The following EYS variants were observed in gnomAD, a reference collection of about 807,000 sequenced individuals.
The protein encoded by EYS is protein eyes shut homolog.
Under a neutral mutation model 282.1 loss-of-function variants are expected in EYS, and 250 were observed. That is an observed-to-expected ratio of 0.89 (90% confidence interval 0.80 to 0.98). The LOEUF (loss-of-function observed/expected upper bound fraction) is 0.98, where lower values mean the gene tolerates loss of function less well. EYS is among the 50% of genes least tolerant of loss of function. The pLI, the probability that EYS is intolerant of heterozygous loss-of-function variation, is 0.00. For missense variants in EYS, 4,016 were observed against 3,709.0 expected (o/e 1.08, Z -2.15); for synonymous variants, 1,355 against 1,282.9 (o/e 1.06, Z -1.20).
chr6:65,397,880 G>T (rs960594784), intron 7 of EYS, among the ~76,000 whole-genome samples: 1 of 151,922 alleles, frequency 6.6e-6, no homozygotes, highest in Non-Finnish European at 1.5e-5. Context: ...TCAACAGTGT[G>T]TAAGCATACC....
At chr6:65,445,421 T>A (rs984198849) in intron 5 of EYS, among the ~76,000 whole-genome samples, 1 of 149,644 alleles carries the variant, frequency 6.7e-6, no homozygotes, top group Non-Finnish European at 1.5e-5. Flanking sequence ...AATAAATATT[T>A]TGAATAAAAT....
intron 12 of EYS, among the ~76,000 whole-genome samples, chr6:65,069,093 C>T (rs1773833149): frequency 1.3e-5 from 2 of 151,844 alleles, no homozygotes; most frequent in Non-Finnish European, 2.9e-5. Context: ...CTTTTTCTTT[C>T]CGAAAATAAA....
At chr6:65,061,368 C>A (rs1323035740) in intron 12 of EYS, among the ~76,000 whole-genome samples, 3 of 151,888 alleles carry the variant, frequency 2.0e-5, no homozygotes, top group Non-Finnish European at 4.4e-5. Context: ...TTCTACATCT[C>A]ATTATTTTAA....
chr6:64,045,464 A>T (rs899664403), intron 33 of EYS, among the ~76,000 whole-genome samples: 2 of 135,214 alleles, frequency 1.5e-5, no homozygotes, highest in Non-Finnish European at 3.3e-5. Flanking sequence ...TTATTTTTTG[A>T]GAGAGAGTTT....
In EYS at chr6:65,404,950, A is replaced by G. The variant is rs147747321; in HGVS notation, c.1056+224T>C. ...AAAAAAGCAATAAGTAGAAATGAAG[A>G]GTGTACAAATTTATATTCTTTTAAA... On this transcript the variant is annotated intron_variant, in intron 6 of 42. Transcript: ENST00000503581. Among the ~76,000 whole-genome samples, 612 of 152,078 alleles carry G rather than the reference A, an allele frequency of 4.0e-3. 5 individuals are homozygous for G. The highest frequency in any genetic ancestry group is 0.014 in the African/African-American group (579 of 41,528).
chr6:65,457,998 C>A (rs1764690804), intron 5 of EYS, among the ~76,000 whole-genome samples: 1 of 152,112 alleles, frequency 6.6e-6, no homozygotes, highest in Non-Finnish European at 1.5e-5. Context: ...AGGGAGCAAT[C>A]CTGCTTCTTA....
At chr6:64,593,742 T>C (rs1361878508) in intron 24 of EYS, among the ~76,000 whole-genome samples, 1 of 152,110 alleles carries the variant, frequency 6.6e-6, no homozygotes, top group Non-Finnish European at 1.5e-5. Context: ...TGAAAACATA[T>C]TCTTGTGATT....
At chr6:65,443,456 A>G (rs950526525) in intron 5 of EYS, among the ~76,000 whole-genome samples, 1 of 146,808 alleles carries the variant, frequency 6.8e-6, no homozygotes, top group Non-Finnish European at 1.5e-5. Context: ...ATATGTACAT[A>G]TACGCCATAC....
chr6:64,778,491 C>T (rs960994205), intron 22 of EYS, among the ~76,000 whole-genome samples: 3 of 152,138 alleles, frequency 2.0e-5, no homozygotes, highest in Non-Finnish European at 4.4e-5. Context: ...ACAGGTCTAC[C>T]CAGCTATAAT....
chr6:63,979,658 CT>C lies in EYS; in HGVS notation c.7055+4724del, dbSNP rs984409050. ...AAGGGGAAAGTGATGTAAATATTAT[CT>C]GTTTAATTTACTAACCTTTCTATGC... On this transcript the variant is annotated intron_variant, in intron 35 of 42. Transcript: ENST00000503581. Among the ~76,000 whole-genome samples, 55 of 151,822 alleles carry C rather than the reference CT, an allele frequency of 3.6e-4. 2 individuals are homozygous for C.
intron 12 of EYS, among the ~76,000 whole-genome samples, chr6:65,289,328 T>C (rs1162789829): frequency 6.6e-6 from 1 of 151,036 alleles, no homozygotes; most frequent in Non-Finnish European, 1.5e-5. Context: ...TTTGTGTGTA[T>C]GTATATACAT....
chr6:64,243,389 G>T (rs1157910626), intron 30 of EYS, among the ~76,000 whole-genome samples: 3 of 152,164 alleles, frequency 2.0e-5, no homozygotes, highest in Non-Finnish European at 4.4e-5. Context: ...TATCAGCATA[G>T]ACAGGAGGAT....
intron 12 of EYS, among the ~76,000 whole-genome samples, chr6:65,168,794 T>A (rs986740263): frequency 6.6e-5 from 10 of 151,424 alleles, no homozygotes; most frequent in Admixed American, 2.0e-4. Flanking sequence ...GCAAACTTTT[T>A]AAAATTTTGT....
At chr6:63,760,176 A>G (rs13216525) in intron 41 of EYS, among the ~76,000 whole-genome samples, 38,422 of 151,996 alleles carry the variant, frequency 0.25, 5,099 homozygotes, top group Admixed American at 0.34. Context: ...GCTATATGTC[A>G]TTGGTGCACA....
chr6:64,562,718 T>G (rs1169709243), intron 26 of EYS, among the ~76,000 whole-genome samples: 4 of 152,002 alleles, frequency 2.6e-5, no homozygotes, highest in Non-Finnish European at 4.4e-5. Context: ...AACTGTTATC[T>G]TTAATATTCT....
chr6:64,463,727 C>G (rs1775830489), intron 26 of EYS, among the ~76,000 whole-genome samples: 3 of 152,108 alleles, frequency 2.0e-5, no homozygotes, highest in Non-Finnish European at 4.4e-5. Context: ...GAAAAAGACA[C>G]ATTACAAATA....
intron 2 of EYS, among the ~76,000 whole-genome samples, chr6:65,507,809 T>G (rs1197257887): frequency 6.6e-6 from 1 of 152,110 alleles, no homozygotes; most frequent in Non-Finnish European, 1.5e-5. Context: ...AGTCTCCATC[T>G]CCCTGTTTAC....
chr6:64,932,499 A>T (rs745527821), intron 15 of EYS, among the ~76,000 whole-genome samples: 2 of 152,062 alleles, frequency 1.3e-5, no homozygotes, highest in African/African-American at 2.4e-5. Flanking sequence ...ATAATCAAAG[A>T]TTTAATAACT....
chr6:65,142,413 G>C (rs1764369502), intron 12 of EYS, among the ~76,000 whole-genome samples: 1 of 149,926 alleles, frequency 6.7e-6, no homozygotes, highest in Non-Finnish European at 1.5e-5. Context: ...TTGTTGTGAT[G>C]AAGTAGTTCT....
Sources: gnomAD v4.1 joint callset for allele counts (sites outside exome capture counted in the v4.1 genomes callset) on GRCh38, gnomAD v4.1.1 for gene constraint, MANE v1.5 for transcripts, NCBI Gene and HGNC (gene_info 2026-07-23, HGNC 2026-07-21) for gene names.